Variants in CDH9 observed in about 807,000 individuals in gnomAD.
CDH9 encodes the protein cadherin-9.
In CDH9, 28 loss-of-function variants were observed where a neutral mutation model predicts 70.9. The observed-to-expected ratio is 0.40, with a 90% CI of 0.29 to 0.54. CDH9 has a LOEUF of 0.54. Among genes scored for constraint, CDH9 ranks in the 20% least tolerant of loss-of-function variants. The probability of loss-of-function intolerance (pLI) is 0.59; values close to 1 mark genes in which losing one functional copy is unlikely to be tolerated. For missense variants in CDH9, 874 were observed against 984.4 expected (o/e 0.89, Z 1.50); for synonymous variants, 409 against 343.1 (o/e 1.19, Z -2.12).
chr5:26,923,261 G>A (rs1223240846), intron 2 of CDH9, among the ~76,000 whole-genome samples: 1 of 151,324 alleles, frequency 6.6e-6, no homozygotes, highest in African/African-American at 2.4e-5. Flanking sequence ...CAAAAAGCAG[G>A]AGTAGCTATA....
At chr5:26,963,030 TAAAA>T (rs1742064987) in intron 2 of CDH9, among the ~76,000 whole-genome samples, 1 of 152,166 alleles carries the variant, frequency 6.6e-6, no homozygotes, top group Non-Finnish European at 1.5e-5. Context: ...TATAAAACTA[TAAAA>T]GAATGTTAAA....
intron 2 of CDH9, among the ~76,000 whole-genome samples, chr5:26,984,416 C>A (rs546694135): frequency 6.6e-6 from 1 of 152,144 alleles, no homozygotes; most frequent in Admixed American, 6.5e-5. Flanking sequence ...AATACTATGT[C>A]TGCTGTGTCT....
At chr5:27,021,451 G>A (rs1275217311) in intron 1 of CDH9, among the ~76,000 whole-genome samples, 1 of 151,368 alleles carries the variant, frequency 6.6e-6, no homozygotes, top group African/African-American at 2.4e-5. Context: ...TCTTATAAAG[G>A]AGAAAAATCA....
At chr5:26,909,084 C>T (rs903270041) in intron 3 of CDH9, among the ~76,000 whole-genome samples, 3 of 152,116 alleles carry the variant, frequency 2.0e-5, no homozygotes, top group South Asian at 2.1e-4. Flanking sequence ...CCCGGGTTCA[C>T]GCCATTCTCC....
intron 2 of CDH9, among the ~76,000 whole-genome samples, chr5:26,980,550 G>C (rs1457557412): frequency 6.6e-6 from 1 of 151,890 alleles, no homozygotes; most frequent in Non-Finnish European, 1.5e-5. Context: ...CTTAATATCA[G>C]TTATTAGGAT....
rs551350312 is a variant in CDH9, at chr5:27,023,662, C to T, written c.-50+14801G>A. Among the ~76,000 whole-genome samples the T allele has an allele frequency of 2.6e-5, 4 of 152,102 alleles. No individual in the cohort carries two copies. In the South Asian group the frequency reaches 6.2e-4, roughly 24 times the overall value. ...ATACTGTAAATTTGCTTTCTTCTTGCTGTAATAATCCGTAACTATATTGAA... is the reference window on the plus strand; with the variant it reads ...ATACTGTAAATTTGCTTTCTTCTTGTTGTAATAATCCGTAACTATATTGAA... On this transcript the variant is annotated intron_variant, in intron 1 of 11. Coordinates refer to ENST00000231021, the MANE Select transcript of CDH9 (RefSeq NM_016279.4).
intron 2 of CDH9, among the ~76,000 whole-genome samples, chr5:26,920,704 G>A (rs986649196): frequency 1.3e-5 from 2 of 152,106 alleles, no homozygotes; most frequent in Non-Finnish European, 2.9e-5. Flanking sequence ...TCTTTGCCTG[G>A]TAATGCAGGT....
intron 7 of CDH9, among the ~76,000 whole-genome samples, chr5:26,900,806 T>C (rs1356034358): frequency 1.3e-5 from 2 of 152,072 alleles, no homozygotes; most frequent in African/African-American, 4.8e-5. Context: ...GATGATTTTT[T>C]TGAAACATGA....
intron 1 of CDH9, among the ~76,000 whole-genome samples, chr5:27,013,882 A>T (rs145905059): frequency 0.01 from 1,571 of 152,120 alleles, 13 homozygotes; most frequent in Non-Finnish European, 0.016. Context: ...GAAAATTCAG[A>T]TCAATTAAAT....
intron 2 of CDH9, among the ~76,000 whole-genome samples, chr5:26,941,248 G>A (rs745873479): frequency 1.3e-5 from 2 of 152,194 alleles, no homozygotes; most frequent in African/African-American, 2.4e-5. Context: ...TCCATGAGAT[G>A]AATGCAGATT....
At chr5:26,943,534 C>T (rs899926925) in intron 2 of CDH9, among the ~76,000 whole-genome samples, 13 of 148,910 alleles carry the variant, frequency 8.7e-5, no homozygotes, top group Admixed American at 6.7e-5. Context: ...AAAAAGCTAA[C>T]TCAGGAATCT....
intron 3 of CDH9, among the ~76,000 whole-genome samples, chr5:26,913,332 T>C (rs1223273838): frequency 6.6e-6 from 1 of 152,142 alleles, no homozygotes; most frequent in Non-Finnish European, 1.5e-5. Context: ...TACAAAGTTA[T>C]AGGTGAACCA....
At chr5:26,967,278 T>C (rs1030285811) in intron 2 of CDH9, among the ~76,000 whole-genome samples, 2 of 152,020 alleles carry the variant, frequency 1.3e-5, no homozygotes, top group Non-Finnish European at 1.5e-5. Context: ...TCCTTTTCTC[T>C]TTTCCTCCCA....
chr5:26,940,772 C>T lies in CDH9; in HGVS notation c.229-24848G>A, dbSNP rs147341234. ...GAACAGTGGAATTGATTTTGAAAAA[C>T]GAGGTACTATTAAACTGGTAAGAAC... On this transcript the variant is annotated intron_variant, in intron 2 of 11. Transcript: ENST00000231021. 7.2e-5 allele frequency among the ~76,000 whole-genome samples: 11 copies of T among 152,182 alleles called. No homozygotes were observed. In the East Asian group the frequency reaches 1.9e-3, roughly 27 times the overall value.
chr5:26,899,832 C>G (rs903728302), intron 7 of CDH9, among the ~76,000 whole-genome samples: 1 of 149,002 alleles, frequency 6.7e-6, no homozygotes, highest in Non-Finnish European at 1.5e-5. Context: ...ACAAACCTGC[C>G]GGTTAAACAC....
intron 2 of CDH9, among the ~76,000 whole-genome samples, chr5:26,965,276 C>G (rs1262152835): frequency 6.6e-6 from 1 of 152,038 alleles, no homozygotes; most frequent in Non-Finnish European, 1.5e-5. Flanking sequence ...TCTTGTATTT[C>G]ATCCTTAAAA....
intron 2 of CDH9, among the ~76,000 whole-genome samples, chr5:26,983,375 T>C (rs747826107): frequency 7.2e-5 from 11 of 152,184 alleles, no homozygotes; most frequent in South Asian, 6.2e-4. Flanking sequence ...TCAAGAGATA[T>C]TGTATAAACT....
chr5:26,931,229 C>T (rs75300606), intron 2 of CDH9, among the ~76,000 whole-genome samples: 14,569 of 152,048 alleles, frequency 0.096, 881 homozygotes, highest in East Asian at 0.17. Flanking sequence ...TGTGCAGAGA[C>T]TGGAAATCCT....
chr5:26,975,737 A>G (rs529612358), intron 2 of CDH9, among the ~76,000 whole-genome samples: 9 of 152,300 alleles, frequency 5.9e-5, no homozygotes, highest in Middle Eastern at 6.8e-3. Flanking sequence ...GCCACCAACC[A>G]AAGAGGAAGA....
Sources: allele counts gnomAD v4.1 joint callset (sites outside exome capture counted in the v4.1 genomes callset), GRCh38; gene constraint gnomAD v4.1.1; transcripts MANE v1.5; gene names NCBI Gene and HGNC (gene_info 2026-07-23, HGNC 2026-07-21).